The following DLG2 variants were observed in gnomAD, a reference collection of about 807,000 sequenced individuals.
DLG2 encodes discs large MAGUK scaffold protein 2.
DLG2 carries 45 observed loss-of-function variants against 132.5 expected under a neutral mutation model. The ratio of observed to expected loss-of-function variants is 0.34; its 90% CI spans 0.27 to 0.44. The LOEUF is 0.44. DLG2 is among the 20% of genes least tolerant of loss of function. The pLI is 1.00. For missense variants in DLG2, 1,045 were observed against 1,196.9 expected (o/e 0.87, Z 1.87); for synonymous variants, 424 against 419.6 (o/e 1.01, Z -0.13).
intron 17 of DLG2, among the ~76,000 whole-genome samples, chr11:83,809,208 T>A (rs2046659064): frequency 6.6e-6 from 1 of 152,200 alleles, no homozygotes; most frequent in African/African-American, 2.4e-5. Context: ...CTTATAAAAA[T>A]AAATCTTTCT....
intron 6 of DLG2, among the ~76,000 whole-genome samples, chr11:84,645,053 G>A (rs1218404617): frequency 6.6e-6 from 1 of 152,138 alleles, no homozygotes; most frequent in Non-Finnish European, 1.5e-5. Flanking sequence ...AAAATTTACC[G>A]AAGAGTTTCA....
At chr11:83,646,179 C>T (rs1030182037) in intron 18 of DLG2, among the ~76,000 whole-genome samples, 16 of 152,012 alleles carry the variant, frequency 1.1e-4, no homozygotes, top group Non-Finnish European at 1.5e-4. Flanking sequence ...TTTATCTGGA[C>T]GCAAGAGGAT....
chr11:83,506,335 C>A (rs2094697363), intron 21 of DLG2, among the ~76,000 whole-genome samples: 2 of 152,206 alleles, frequency 1.3e-5, no homozygotes, highest in Admixed American at 1.3e-4. Context: ...CCTGATCCAA[C>A]TCTATGTTCC....
Position 85,589,024 on chromosome 11 carries a change from C to T in DLG2, c.40+9633G>A, listed in dbSNP as rs551278784. Among the ~76,000 whole-genome samples, 74 of 152,276 alleles carry T rather than the reference C, an allele frequency of 4.9e-4. 2 individuals carry two copies. The highest frequency in any genetic ancestry group is 1.6e-3 in the African/African-American group (68 of 41,552). On this transcript the variant is annotated intron_variant, in intron 3 of 27. Coordinates refer to ENST00000376104, the MANE Select transcript of DLG2 (RefSeq NM_001142699.3). The stretch of plus-strand genomic sequence containing the variant: ...ACAAACAGTCCTGTGATGCGATCCA[C>T]CTTCAGGTCTCCCAGCCATGGATAC...
At chr11:85,411,523 A>G (rs2089308937) in intron 3 of DLG2, among the ~76,000 whole-genome samples, 1 of 151,906 alleles carries the variant, frequency 6.6e-6, no homozygotes, top group African/African-American at 2.4e-5. Context: ...GCAGCATAGC[A>G]GTTTTGATAC....
chr11:84,362,634 T>C (rs2098656287), intron 7 of DLG2, among the ~76,000 whole-genome samples: 1 of 152,146 alleles, frequency 6.6e-6, no homozygotes, highest in Non-Finnish European at 1.5e-5. Flanking sequence ...GCATTAGGTA[T>C]GTCTCCCAAT....
chr11:85,584,442 A>C (rs2078834284), intron 3 of DLG2, among the ~76,000 whole-genome samples: 1 of 151,392 alleles, frequency 6.6e-6, no homozygotes, highest in Admixed American at 6.6e-5. Flanking sequence ...ACAGTTTTGC[A>C]GTTATAAATT....
intron 5 of DLG2, among the ~76,000 whole-genome samples, chr11:85,122,112 T>G (rs1019469972): frequency 6.6e-6 from 1 of 152,162 alleles, no homozygotes; most frequent in Non-Finnish European, 1.5e-5. Context: ...CCATGGTAAG[T>G]GATCAGCTAT....
chr11:84,919,928 T>G (rs1464924679), intron 6 of DLG2, among the ~76,000 whole-genome samples: 1 of 152,172 alleles, frequency 6.6e-6, no homozygotes, highest in African/African-American at 2.4e-5. Flanking sequence ...TAAAACTAAA[T>G]TGTATTTTGT....
intron 5 of DLG2, among the ~76,000 whole-genome samples, chr11:85,153,297 GC>G (rs1291955945): frequency 5.9e-5 from 9 of 152,182 alleles, no homozygotes; most frequent in African/African-American, 1.9e-4. Context: ...CAACAAATAT[GC>G]CCCATCTCCT....
intron 3 of DLG2, among the ~76,000 whole-genome samples, chr11:85,575,661 G>A (rs528245684): frequency 3.8e-4 from 58 of 151,736 alleles, no homozygotes; most frequent in Non-Finnish European, 1.2e-4. Flanking sequence ...TTTCTCCTTT[G>A]CAGATAACTA....
At chr11:83,622,585 A>G (rs1340075751) in intron 19 of DLG2, among the ~76,000 whole-genome samples, 2 of 152,328 alleles carry the variant, frequency 1.3e-5, no homozygotes, top group East Asian at 3.9e-4. Flanking sequence ...GTTGCATCCC[A>G]GAGATTTTTG....
chr11:84,197,053 A>T (rs12290738), intron 8 of DLG2, among the ~76,000 whole-genome samples: 1 of 148,384 alleles, frequency 6.7e-6, no homozygotes, highest in African/African-American at 2.5e-5. Context: ...AAAAAAAAAA[A>T]AAAGAAAGAA....
intron 18 of DLG2, among the ~76,000 whole-genome samples, chr11:83,720,246 T>A (rs967176000): frequency 1.7e-5 from 2 of 114,650 alleles, no homozygotes; most frequent in African/African-American, 6.9e-5. Flanking sequence ...TGAGCCAACA[T>A]CACACCACTG....
chr11:83,605,655 G>A (rs1225245966), intron 19 of DLG2, among the ~76,000 whole-genome samples: 1 of 152,186 alleles, frequency 6.6e-6, no homozygotes, highest in African/African-American at 2.4e-5. Context: ...ACTTATTCAA[G>A]GTCATGCAGC....
intron 10 of DLG2, among the ~76,000 whole-genome samples, chr11:84,097,607 T>C (rs547951484): frequency 1.3e-5 from 2 of 152,316 alleles, no homozygotes. Flanking sequence ...TTAACAAGTG[T>C]CATAAATATT....
intron 19 of DLG2, among the ~76,000 whole-genome samples, chr11:83,568,814 G>A (rs147426624): frequency 1.5e-3 from 228 of 152,274 alleles, no homozygotes; most frequent in Non-Finnish European, 2.5e-3. Flanking sequence ...AAAGATCATG[G>A]AAGGAAAAGG....
intron 4 of DLG2, among the ~76,000 whole-genome samples, chr11:85,280,875 T>C (rs1353850788): frequency 2.0e-5 from 3 of 151,316 alleles, no homozygotes; most frequent in Non-Finnish European, 4.4e-5. Flanking sequence ...TTTAAAAAGG[T>C]CATTTATTTT....
At position 84,121,123 on chromosome 11, in the gene DLG2, G is replaced by A. The variant is rs118111464; in HGVS notation, c.625-22076C>T. 3.8e-3 allele frequency among the ~76,000 whole-genome samples: 582 copies of A among 152,154 alleles called. 4 individuals carry two copies. Among genetic ancestry groups the A allele is most frequent in the Admixed American group, 0.014 (216 of 15,280 alleles). Reference sequence around the variant, plus strand: ...AATAGGTGACATGCTGGATATATACGGTGAACAAAACAGGCACAGTCCTCA... The same window carrying A: ...AATAGGTGACATGCTGGATATATACAGTGAACAAAACAGGCACAGTCCTCA... On this transcript the variant is annotated intron_variant, in intron 9 of 27. Transcript: ENST00000376104.
Sources: allele counts gnomAD v4.1 joint callset (sites outside exome capture counted in the v4.1 genomes callset), GRCh38; gene constraint gnomAD v4.1.1; transcripts MANE v1.5; gene names NCBI Gene and HGNC (gene_info 2026-07-23, HGNC 2026-07-21).